Variants in LPP observed in about 807,000 individuals in gnomAD.
LPP encodes lipoma-preferred partner.
In LPP, 38 loss-of-function variants were observed where a neutral mutation model predicts 60.4. The observed-to-expected ratio is 0.63, with a 90% confidence interval of 0.49 to 0.83. The LOEUF (loss-of-function observed/expected upper bound fraction) is 0.83. Among genes scored for constraint, LPP ranks in the 40% least tolerant of loss-of-function variants. The pLI is 0.00. For synonymous variants in LPP, 328 were observed against 290.8 expected (o/e 1.13, Z -1.30); for missense variants, 902 against 783.6 (o/e 1.15, Z -1.80).
intron 6 of LPP, among the ~76,000 whole-genome samples, chr3:188,556,820 C>G (rs1829598808): frequency 6.6e-6 from 1 of 151,980 alleles, no homozygotes; most frequent in Admixed American, 6.6e-5. Context: ...GACATTTCAC[C>G]TTCAAGGTCA....
chr3:188,374,480 G>A (rs1774332265), intron 3 of LPP, among the ~76,000 whole-genome samples: 1 of 152,054 alleles, frequency 6.6e-6, no homozygotes, highest in East Asian at 1.9e-4. Context: ...ATTGTGAACG[G>A]GAGTTCACTC....
chr3:188,870,935 T>A lies in LPP; in HGVS notation c.1590-1708T>A, dbSNP rs1417564139. On this transcript the variant is annotated intron_variant, in intron 10 of 11. Coordinates refer to ENST00000617246, the MANE Select transcript of LPP (RefSeq NM_001375462.1). ...AAAGCCCAACTAATATCTTTTTTTA[T>A]ACAGAAATATGGCAGATTCATTTCA... 2.6e-5 allele frequency among the ~76,000 whole-genome samples: 4 copies of A among 152,198 alleles called. No individual in the cohort carries two copies. The East Asian group carries it at 7.7e-4, about 29-fold the overall frequency.
At chr3:188,686,110 T>A (rs1860652541) in intron 7 of LPP, among the ~76,000 whole-genome samples, 1 of 152,194 alleles carries the variant, frequency 6.6e-6, no homozygotes, top group South Asian at 2.1e-4. Context: ...ACCTTTCCTA[T>A]GAACATTTTC....
chr3:188,573,713 G>A (rs1341958889), intron 6 of LPP, among the ~76,000 whole-genome samples: 1 of 148,514 alleles, frequency 6.7e-6, no homozygotes, highest in Non-Finnish European at 1.5e-5. Flanking sequence ...TTGTCAAGCT[G>A]AGCTGTGAAC....
intron 3 of LPP, among the ~76,000 whole-genome samples, chr3:188,404,726 G>A (rs1292353136): frequency 6.6e-6 from 1 of 152,136 alleles, no homozygotes; most frequent in East Asian, 1.9e-4. Flanking sequence ...GTGTTCTGAT[G>A]CTCTTTGTCT....
At chr3:188,191,005 G>T (rs1424250407) in intron 1 of LPP, among the ~76,000 whole-genome samples, 1 of 152,232 alleles carries the variant, frequency 6.6e-6, no homozygotes, top group East Asian at 1.9e-4. Context: ...GCCGAGGCAG[G>T]TGGATCACGA....
intron 10 of LPP, among the ~76,000 whole-genome samples, chr3:188,867,816 T>C (rs1197334949): frequency 1.3e-5 from 2 of 152,190 alleles, no homozygotes; most frequent in African/African-American, 4.8e-5. Context: ...ATTCTATGGC[T>C]TCCAAGTGTG....
intron 4 of LPP, among the ~76,000 whole-genome samples, chr3:188,482,814 G>A (rs1805199875): frequency 6.6e-6 from 1 of 152,104 alleles, no homozygotes; most frequent in African/African-American, 2.4e-5. Flanking sequence ...GTAAGTTATT[G>A]AACATTTCTT....
At chr3:188,826,260 GT>G (rs1231827201) in intron 9 of LPP, among the ~76,000 whole-genome samples, 1 of 152,152 alleles carries the variant, frequency 6.6e-6, no homozygotes, top group Admixed American at 6.5e-5. Context: ...TCCAATATAT[GT>G]TTGTTTTGGG....
At chr3:188,703,719 G>A (rs974421411) in intron 7 of LPP, among the ~76,000 whole-genome samples, 1 of 152,138 alleles carries the variant, frequency 6.6e-6, no homozygotes, top group Non-Finnish European at 1.5e-5. Flanking sequence ...TGTTATTTCA[G>A]AAACAGCATA....
chr3:188,256,999 T>C (rs1314982869), intron 2 of LPP, among the ~76,000 whole-genome samples: 1 of 152,160 alleles, frequency 6.6e-6, no homozygotes, highest in Non-Finnish European at 1.5e-5. Flanking sequence ...GGGAGTGTGA[T>C]ACCATTAGGG....
intron 2 of LPP, among the ~76,000 whole-genome samples, chr3:188,244,396 C>T (rs1726114995): frequency 6.6e-6 from 1 of 152,158 alleles, no homozygotes; most frequent in Admixed American, 6.5e-5. Context: ...TAGGGAGAGG[C>T]ACCAGTCTAG....
At chr3:188,166,182 C>CTTTCT (rs1719900840) in intron 1 of LPP, among the ~76,000 whole-genome samples, 2 of 150,968 alleles carry the variant, frequency 1.3e-5, no homozygotes, top group Admixed American at 6.6e-5. Context: ...CTTTCTTCTT[C>CTTTCT]TTCTTTCTTT....
chr3:188,879,713 A>T lies in LPP; in HGVS notation c.*5234A>T, dbSNP rs192916089. 7.5e-4 allele frequency: 136 copies of T among 181,590 alleles called. 2 individuals carry two copies. In the East Asian group the frequency reaches 0.01, roughly 14 times the overall value. 11.2% of individuals were successfully genotyped at this position (181,590 alleles called of 1,614,324 possible). A position where few individuals can be genotyped will look rare whatever the true frequency, so the allele number is the denominator to read the frequency against. ...TTTTATTTTATTCCATTGCAGCTTG[A>T]TAACTTTCCTTATAGCAAAGGAATA... On this transcript the variant is annotated 3_prime_UTR_variant, in exon 12 of 12. Transcript: ENST00000617246.
At position 188,276,692 on chromosome 3, in the gene LPP, TC is replaced by T. The variant is rs1416264020; in HGVS notation, c.-67+51166del. Among the ~76,000 whole-genome samples the T allele has an allele frequency of 0.019, 286 of 15,382 alleles. No individual in the cohort carries two copies. The African/African-American group carries it at 0.22, about 12-fold the overall frequency. 10.1% of individuals were successfully genotyped at this position (15,382 alleles called of 152,430 possible). On this transcript the variant is annotated intron_variant, in intron 2 of 11. Transcript: ENST00000617246. ...CTGTCTCTCTCTCTCTCTCTCTCTC[TC>T]TTTCTCTCTCTCTCTCTCTCTCTCT...
rs201329850 is a variant in LPP at position 188,609,832 on chromosome 3, A to G, written c.1101A>G (p.Pro367=). ...CTGTTTCAGCCCCCTGTGCGCCACC[A>G]TTGCAGCCAAAGGTAAGAAACTCAG... ...TDPVSAPCAP[P]LQPKGGHSGQ... Residue 367 remains proline (P), a synonymous_variant, in exon 7 of 12, where the codon CCA becomes CCG. Transcript: ENST00000617246. The surrounding 1 kb of genome is among the most constrained non-coding windows in gnomAD (Gnocchi z 6.9). 1.2e-5 allele frequency: 19 copies of G among 1,610,298 alleles called. No homozygotes were observed. In the Admixed American group the frequency reaches 2.2e-4, roughly 18 times the overall value.
In LPP at chr3:188,182,825, C is replaced by T. The variant is rs910360501; in HGVS notation, c.-190+28573C>T. Among the ~76,000 whole-genome samples, 18 of 150,530 alleles carry T rather than the reference C, an allele frequency of 1.2e-4. No homozygotes were observed. The highest frequency in any genetic ancestry group is 2.4e-4 in the Non-Finnish European group (16 of 67,846). ...TATATGCACATATATAATATATGTA[C>T]ATATAATATACATACACACACATGC... On this transcript the variant is annotated intron_variant, in intron 1 of 11. Coordinates refer to ENST00000617246, the MANE Select transcript of LPP (RefSeq NM_001375462.1). This position sits in a 1 kb window ranked among gnomAD's most constrained non-coding sequence, Gnocchi z 4.4.
intron 7 of LPP, among the ~76,000 whole-genome samples, chr3:188,653,707 A>C (rs894514225): frequency 6.6e-6 from 1 of 152,146 alleles, no homozygotes; most frequent in African/African-American, 2.4e-5. Context: ...TACAGCCCTC[A>C]GTTACTAAGT....
At chr3:188,266,365 A>G (rs990139011) in intron 2 of LPP, among the ~76,000 whole-genome samples, 4 of 152,174 alleles carry the variant, frequency 2.6e-5, no homozygotes, top group Non-Finnish European at 4.4e-5. Flanking sequence ...GCACAGACAG[A>G]TGATACGTTT....
Sources: gnomAD v4.1 joint callset for allele counts (sites outside exome capture counted in the v4.1 genomes callset) on GRCh38, gnomAD v4.1.1 for gene constraint, Gnocchi (gnomAD v3.1) non-coding constraint, MANE v1.5 for transcripts, NCBI Gene and HGNC (gene_info 2026-07-23, HGNC 2026-07-21) for gene names.